Variants in ARHGAP25 observed in about 807,000 individuals in gnomAD.
ARHGAP25 encodes rho GTPase-activating protein 25.
A neutral mutation model predicts 71.0 loss-of-function variants in ARHGAP25; 34 were observed. That is an observed-to-expected ratio of 0.48 (90% CI 0.36 to 0.64). The LOEUF (loss-of-function observed/expected upper bound fraction) is 0.64, where lower values mean the gene tolerates loss of function less well. ARHGAP25 is among the 30% of genes least tolerant of loss of function. The pLI is 0.00. For missense variants in ARHGAP25, 706 were observed against 805.1 expected, an observed-to-expected ratio of 0.88 and a Z score of 1.49; for synonymous variants, 282 against 296.5, an observed-to-expected ratio of 0.95 and a Z score of 0.50.
intron 1 of ARHGAP25, among the ~76,000 whole-genome samples, chr2:68,754,837 C>G (rs752082932): frequency 6.6e-6 from 1 of 152,212 alleles, no homozygotes; most frequent in Non-Finnish European, 1.5e-5. Context: ...TTCCTAATGA[C>G]TAAGGCTGTT....
At chr2:68,744,178 T>TA (rs1210202442) in intron 1 of ARHGAP25, among the ~76,000 whole-genome samples, 2 of 151,828 alleles carry the variant, frequency 1.3e-5, no homozygotes, top group East Asian at 1.9e-4. Flanking sequence ...TACTTCTTTC[T>TA]AAAATCACAC....
At chr2:68,797,506 C>A (rs1315743734) in intron 4 of ARHGAP25, among the ~76,000 whole-genome samples, 1 of 152,210 alleles carries the variant, frequency 6.6e-6, no homozygotes, top group Non-Finnish European at 1.5e-5. Context: ...CAAGCCTCCA[C>A]AACAACTCTC....
Position 68,822,604 on chromosome 2 carries a change from C to G in ARHGAP25, c.1465C>G (p.Gln489Glu), listed in dbSNP as rs1681776808. 6.2e-7 allele frequency: 1 copy of G among 1,614,172 alleles called. No individual in the cohort carries two copies. Among genetic ancestry groups the G allele is most frequent in the Admixed American group, 1.7e-5 (1 of 60,030 alleles). ...GGAAGGGCACAGGAGAACGATGTCT[C>G]AAGACTTGCGCCAACTTTCTGACTC... ...AGEGHRRTMS[Q>E]DLRQLSDSQR... Residue 489 changes from glutamine (Q) to glutamate (E), a missense_variant, in exon 10 of 11, where the codon CAA (glutamine) becomes GAA (glutamate). By Grantham distance (29) the Gln-to-Glu change is conservative. Transcript: ENST00000409202.
chr2:68,807,502 T>A, intron 5 of ARHGAP25, 22 bp downstream of exon 5: 1 of 1,608,388 alleles, frequency 6.2e-7, no homozygotes, highest in Non-Finnish European at 8.5e-7. Context: ...CACTGCAGTG[T>A]CCCACCTCTG....
intron 6 of ARHGAP25, among the ~76,000 whole-genome samples, chr2:68,815,019 C>T (rs1316844): frequency 0.33 from 50,786 of 152,060 alleles, 8,608 homozygotes; most frequent in East Asian, 0.43. Flanking sequence ...CGTTTCAGAT[C>T]GCATCTCACC....
At chr2:68,800,066 G>A (rs1429866243) in intron 4 of ARHGAP25, among the ~76,000 whole-genome samples, 1 of 152,026 alleles carries the variant, frequency 6.6e-6, no homozygotes, top group African/African-American at 2.4e-5. Context: ...TTATTTTGTA[G>A]TTCACTTCTT....
chr2:68,814,080 T>C (rs918287804), intron 6 of ARHGAP25, among the ~76,000 whole-genome samples: 8 of 152,112 alleles, frequency 5.3e-5, no homozygotes, highest in Admixed American at 2.0e-4. Flanking sequence ...CCAACAACAA[T>C]AAACCTTGAT....
chr2:68,728,313 TA>T (rs543431640), intron 2 of ARHGAP25, among the ~76,000 whole-genome samples: 87 of 152,030 alleles, frequency 5.7e-4, no homozygotes, highest in African/African-American at 1.7e-3. Context: ...ATGGCTAAAA[TA>T]AAAAAAGACT....
At chr2:68,740,677 C>G (rs907992365) in intron 1 of ARHGAP25, among the ~76,000 whole-genome samples, 6 of 152,232 alleles carry the variant, frequency 3.9e-5, no homozygotes, top group African/African-American at 1.2e-4. Flanking sequence ...GTTTACAGCT[C>G]TCAATACTAT....
At chr2:68,782,134 C>T (rs1022950117) in intron 2 of ARHGAP25, 99 bp from the exon 3 acceptor site, 7 of 1,081,692 alleles carry the variant, frequency 6.5e-6, no homozygotes, top group Non-Finnish European at 9.7e-6. Flanking sequence ...TCCTCCTACT[C>T]TCCTCCCCAT....
intron 2 of ARHGAP25, among the ~76,000 whole-genome samples, chr2:68,729,785 C>T (rs752833942): frequency 6.6e-5 from 10 of 152,148 alleles, no homozygotes; most frequent in Admixed American, 2.6e-4. Context: ...CCATGCAATT[C>T]ACCCATCAAA....
chr2:68,802,976 CATATAT>C (rs987558347), intron 4 of ARHGAP25, among the ~76,000 whole-genome samples: 10 of 73,946 alleles, frequency 1.4e-4, no homozygotes, highest in African/African-American at 2.9e-4. Context: ...CATATATACA[CATATAT>C]ATACACACAT....
At chr2:68,804,186 C>G (rs919488117) in intron 4 of ARHGAP25, among the ~76,000 whole-genome samples, 10 of 152,142 alleles carry the variant, frequency 6.6e-5, no homozygotes, top group African/African-American at 2.4e-4. Context: ...AGCTTGGCCC[C>G]AAATCATCTG....
chr2:68,741,792 C>A (rs1488172039), intron 1 of ARHGAP25, among the ~76,000 whole-genome samples: 1 of 152,178 alleles, frequency 6.6e-6, no homozygotes, highest in Admixed American at 6.5e-5. Flanking sequence ...AAAGTTATTT[C>A]TTTTAGTTCA....
At chr2:68,796,921 G>C (rs1679590410) in intron 4 of ARHGAP25, among the ~76,000 whole-genome samples, 1 of 152,202 alleles carries the variant, frequency 6.6e-6, no homozygotes, top group South Asian at 2.1e-4. Flanking sequence ...CTCAAGCACA[G>C]TGCTTTTGTG....
intron 1 of ARHGAP25, among the ~76,000 whole-genome samples, chr2:68,770,185 A>G (rs1677394241): frequency 6.6e-6 from 1 of 152,062 alleles, no homozygotes; most frequent in African/African-American, 2.4e-5. Flanking sequence ...TAGAGGTGAG[A>G]AGGGGAAAGG....
chr2:68,740,013 C>T (rs2104288587), intron 1 of ARHGAP25, among the ~76,000 whole-genome samples: 1 of 152,298 alleles, frequency 6.6e-6, no homozygotes, highest in South Asian at 2.1e-4. Flanking sequence ...AGGAGTGCAA[C>T]TTACTGTGTT....
intron 4 of ARHGAP25, among the ~76,000 whole-genome samples, chr2:68,803,070 G>A (rs1680125856): frequency 6.6e-6 from 1 of 152,006 alleles, no homozygotes; most frequent in African/African-American, 2.4e-5. Flanking sequence ...TAAGTTTATA[G>A]GTGATATCTA....
intron 4 of ARHGAP25, among the ~76,000 whole-genome samples, chr2:68,789,150 A>G (rs997365583): frequency 6.6e-6 from 1 of 151,818 alleles, no homozygotes; most frequent in Non-Finnish European, 1.5e-5. Context: ...CTCCTGTCTC[A>G]GCCTCCTGAG....
Sources: allele counts gnomAD v4.1 joint callset (sites outside exome capture counted in the v4.1 genomes callset), GRCh38; gene constraint gnomAD v4.1.1; transcripts MANE v1.5; gene names NCBI Gene and HGNC (gene_info 2026-07-23, HGNC 2026-07-21).